NELL2: variants seen among roughly 807,000 people sequenced by gnomAD.
The protein encoded by NELL2 is protein kinase C-binding protein NELL2.
Under a neutral mutation model 109.6 loss-of-function variants are expected in NELL2, and 41 were observed. The ratio of observed to expected loss-of-function variants is 0.37; its 90% confidence interval spans 0.29 to 0.49. The LOEUF is 0.49. Ranked by LOEUF, NELL2 falls within the 20% of genes least tolerant of loss-of-function variation. The pLI is 0.98. For missense variants in NELL2, 900 were observed against 1,008.3 expected, an observed-to-expected ratio of 0.89 and a Z score of 1.45; for synonymous variants, 355 against 344.7, an observed-to-expected ratio of 1.03 and a Z score of -0.33.
intron 3 of NELL2, among the ~76,000 whole-genome samples, chr12:44,812,446 A>C (rs1469125635): frequency 6.6e-6 from 1 of 152,206 alleles, no homozygotes; most frequent in Non-Finnish European, 1.5e-5. Context: ...TTCAGTGCCA[A>C]GAATGGTTGA....
At chr12:44,658,572 C>G (rs541852070) in intron 13 of NELL2, among the ~76,000 whole-genome samples, 2 of 152,206 alleles carry the variant, frequency 1.3e-5, no homozygotes, top group Non-Finnish European at 2.9e-5. Context: ...ACTTTCTTCA[C>G]AGAATTAGAA....
rs141014070 is a variant in NELL2 at position 44,578,379 on chromosome 12, T to C, written c.1663+28790A>G. On this transcript the variant is annotated intron_variant, in intron 15 of 19. Coordinates refer to ENST00000429094, the MANE Select transcript of NELL2 (RefSeq NM_001145108.2). ...AGTACTTCAAGTTTAAGTAAAACGA[T>C]AGAAATCTTCAATTCTGAAAAGAAA... 5.3e-3 allele frequency among the ~76,000 whole-genome samples: 799 copies of C among 151,726 alleles called. 9 individuals carry two copies. The highest frequency in any genetic ancestry group is 0.018 in the African/African-American group (749 of 41,406).
intron 13 of NELL2, among the ~76,000 whole-genome samples, chr12:44,626,497 T>C (rs1946270180): frequency 6.6e-6 from 1 of 152,204 alleles, no homozygotes; most frequent in Non-Finnish European, 1.5e-5. Context: ...ACAACACTTG[T>C]TCCTCTCTAA....
chr12:44,735,992 A>C (rs973065216), intron 9 of NELL2, among the ~76,000 whole-genome samples: 3 of 151,374 alleles, frequency 2.0e-5, no homozygotes, highest in African/African-American at 7.3e-5. Flanking sequence ...AATTAAAAAC[A>C]AGCAGTTAAT....
chr12:44,876,332 G>A, upstream of NELL2: 3 of 1,182,892 alleles, frequency 2.5e-6, no homozygotes, highest in Non-Finnish European at 2.1e-6. Context: ...AGCTCCGGGA[G>A]ACGCGCGGAG....
At chr12:44,512,213 C>T (rs1941029495) in intron 19 of NELL2, among the ~76,000 whole-genome samples, 1 of 152,040 alleles carries the variant, frequency 6.6e-6, no homozygotes, top group South Asian at 2.1e-4. Context: ...AAATGACCAA[C>T]ACATATATTA....
intron 12 of NELL2, among the ~76,000 whole-genome samples, chr12:44,690,215 A>C (rs545659893): frequency 7.2e-5 from 11 of 152,330 alleles, no homozygotes; most frequent in African/African-American, 2.4e-4. Context: ...ATTCTAAGAT[A>C]CAGTGTTAGA....
intron 15 of NELL2, among the ~76,000 whole-genome samples, chr12:44,602,974 T>C (rs1945271914): frequency 6.6e-6 from 1 of 152,036 alleles, no homozygotes; most frequent in Non-Finnish European, 1.5e-5. Flanking sequence ...AGTAATAAAA[T>C]AAACTTAAAA....
At chr12:44,696,965 A>G (rs2136407189) in intron 12 of NELL2, among the ~76,000 whole-genome samples, 1 of 152,346 alleles carries the variant, frequency 6.6e-6, no homozygotes, top group Non-Finnish European at 1.5e-5. Flanking sequence ...ACAGTATATA[A>G]TAAAGTACAG....
At chr12:44,845,325 A>C (rs938397191) in intron 2 of NELL2, among the ~76,000 whole-genome samples, 7 of 152,238 alleles carry the variant, frequency 4.6e-5, no homozygotes, top group Admixed American at 4.6e-4. Context: ...AAGTTCACCA[A>C]GCACATGGAA....
In NELL2 at chr12:44,532,730, A is replaced by C. The variant is rs760629763; in HGVS notation, c.1664-9T>G. 5 of 1,600,732 alleles carry C rather than the reference A, an allele frequency of 3.1e-6. No homozygotes were observed. The Admixed American group carries it at 8.7e-5, about 28-fold the overall frequency. The stretch of plus-strand genomic sequence containing the variant: ...AGAGCATTCATCAATGTCTGGCAAA[A>C]AAAGAGGGATTTTATAAAATTATTT... On this transcript the variant is annotated splice_polypyrimidine_tract_variant and intron_variant, in intron 15 of 19. Coordinates refer to ENST00000429094, the MANE Select transcript of NELL2 (RefSeq NM_001145108.2).
chr12:44,773,759 C>T (rs535884799), intron 9 of NELL2, among the ~76,000 whole-genome samples: 62 of 152,208 alleles, frequency 4.1e-4, no homozygotes, highest in South Asian at 1.0e-3. Flanking sequence ...TCTTATGAGA[C>T]GGACTGGCTT....
chr12:44,889,332 G>A (rs1351204750), intron 1 of NELL2, among the ~76,000 whole-genome samples: 2 of 151,936 alleles, frequency 1.3e-5, no homozygotes, highest in Non-Finnish European at 2.9e-5. Context: ...CCGGGCACAG[G>A]ACTGACTTAC....
chr12:44,810,751 AAT>A (rs1943146866), intron 3 of NELL2, among the ~76,000 whole-genome samples: 3 of 151,846 alleles, frequency 2.0e-5, no homozygotes, highest in Admixed American at 6.6e-5. Flanking sequence ...CCTTAATGAT[AAT>A]AGTGGCTGCC....
rs143293201 is a variant in NELL2, at chr12:44,558,732, C to T, written c.1664-26011G>A. Reference sequence around the variant, plus strand: ...TGACACAAGGGCCCTGGGTTTCAAGCGCAAAACCGAGCGGTTGTTTGGGCA... The same window carrying T: ...TGACACAAGGGCCCTGGGTTTCAAGTGCAAAACCGAGCGGTTGTTTGGGCA... On this transcript the variant is annotated intron_variant, in intron 15 of 19. Coordinates refer to ENST00000429094, the MANE Select transcript of NELL2 (RefSeq NM_001145108.2). Among the ~76,000 whole-genome samples the T allele has an allele frequency of 3.9e-5, 6 of 152,260 alleles. No individual in the cohort carries two copies. The East Asian group carries it at 7.7e-4, about 20-fold the overall frequency.
intron 1 of NELL2, 95 bp downstream of exon 1, chr12:44,875,720 T>A: frequency 6.2e-7 from 1 of 1,608,630 alleles, no homozygotes; most frequent in East Asian, 2.2e-5. Context: ...CAGACCTACT[T>A]TGGGTCCGGG....
chr12:44,887,657 TG>T lies in NELL2; in HGVS notation c.39-11758del, dbSNP rs1945489462. Among the ~76,000 whole-genome samples, 6 of 150,390 alleles carry T rather than the reference TG, an allele frequency of 4.0e-5. No individual in the cohort carries two copies. In the South Asian group the frequency reaches 1.0e-3, roughly 26 times the overall value. On this transcript the variant is annotated intron_variant, in intron 1 of 20. Coordinates refer to the NELL2 transcript ENST00000333837. ...ATTATTGTGTGTGTGTGTGTGTGTGTGTTGTTGTTGTTGTTGTTTTTGTTGT... is the reference window on the plus strand; with the variant it reads ...ATTATTGTGTGTGTGTGTGTGTGTGTTTGTTGTTGTTGTTGTTTTTGTTGT...
chr12:44,837,544 A>G (rs954052197), intron 2 of NELL2, among the ~76,000 whole-genome samples: 6 of 152,198 alleles, frequency 3.9e-5, no homozygotes, highest in African/African-American at 1.4e-4. Context: ...AGATGAGCGT[A>G]TGACAGGTAG....
At chr12:44,683,195 TTCAC>T (rs1425313824) in intron 12 of NELL2, among the ~76,000 whole-genome samples, 2 of 152,110 alleles carry the variant, frequency 1.3e-5, no homozygotes, top group Non-Finnish European at 2.9e-5. Context: ...TGAACGGGAG[TTCAC>T]TCATGATTTG....
Sources: gnomAD v4.1 joint callset for allele counts (sites outside exome capture counted in the v4.1 genomes callset) on GRCh38, gnomAD v4.1.1 for gene constraint, MANE v1.5 for transcripts, NCBI Gene and HGNC (gene_info 2026-07-23, HGNC 2026-07-21) for gene names.